Variants in HAS2 observed in about 807,000 individuals in gnomAD.
HAS2 encodes HA synthase 2.
Under a neutral mutation model 51.6 loss-of-function variants are expected in HAS2, and 16 were observed. The ratio of observed to expected loss-of-function variants is 0.31; its 90% CI spans 0.21 to 0.47. The LOEUF is 0.47. Among genes scored for constraint, HAS2 ranks in the 20% least tolerant of loss-of-function variants. The pLI is 1.00. For synonymous variants in HAS2, 228 were observed against 235.5 expected (o/e 0.97, Z 0.29); for missense variants, 361 against 662.6 (o/e 0.54, Z 5.00).
At chr8:121,637,938 G>A (rs1813035076) in intron 1 of HAS2, among the ~76,000 whole-genome samples, 1 of 152,036 alleles carries the variant, frequency 6.6e-6, no homozygotes, top group Admixed American at 6.5e-5. Context: ...TTTAACTCAG[G>A]GATCACACTT....
At chr8:121,638,367 C>T (rs1363181905) in intron 1 of HAS2, among the ~76,000 whole-genome samples, 1 of 151,960 alleles carries the variant, frequency 6.6e-6, no homozygotes, top group Non-Finnish European at 1.5e-5. Context: ...TAATGCTAGT[C>T]ACTGATTTGT....
At chr8:121,623,525 C>A (rs1812802462) in intron 2 of HAS2, among the ~76,000 whole-genome samples, 1 of 152,146 alleles carries the variant, frequency 6.6e-6, no homozygotes. Context: ...GAGTGAGACA[C>A]ACGATAGTAA....
chr8:121,614,638 G>T lies in HAS2; in HGVS notation c.1130C>A (p.Thr377Asn). 6.2e-7 allele frequency: 1 copy of T among 1,614,056 alleles called. No homozygotes were observed. The highest frequency in any genetic ancestry group is 1.1e-5 in the South Asian group (1 of 91,088). Reference sequence around the variant, plus strand: ...GAATCCAGTGATAATCGCTTCGTAGGTCATCCACAAGTGATGTTTGTGAAA... The same window carrying T: ...GAATCCAGTGATAATCGCTTCGTAGTTCATCCACAAGTGATGTTTGTGAAA... ...MWFHKHHLWM[T>N]YEAIITGFFP... Residue 377 changes from threonine to asparagine, a missense_variant, in exon 4 of 4, where the codon ACC becomes AAC. Transcript: ENST00000303924. This position sits in a 1 kb window ranked among gnomAD's most constrained non-coding sequence, Gnocchi z 7.2.
At position 121,628,896 on chromosome 8, in the gene HAS2, T is replaced by G. The variant is rs868279445; in HGVS notation, c.445A>C (p.Lys149Gln). 3.1e-6 allele frequency: 5 copies of G among 1,614,154 alleles called. No homozygotes were observed. The highest frequency in any genetic ancestry group is 4.2e-6 in the Non-Finnish European group (5 of 1,179,980). The change falls in exon 2 of 4, where the codon AAG (lysine) becomes CAG (glutamine). Residue 149 changes from lysine (K) to glutamine (Q), a missense_variant. Lys to Gln is a moderately conservative substitution (Grantham distance 53). Coordinates refer to ENST00000303924, the MANE Select transcript of HAS2 (RefSeq NM_005328.3). ...GRDKSATYIW[K>Q]NNFHEKGPGE... is the part of the protein sequence containing the mutation. ...GGACCCTTTTCGTGGAAGTTGTTCT[T>G]CCAGATATAAGTGGCTGATTTGTCT...
chr8:121,614,386 G>C lies in HAS2; in HGVS notation c.1382C>G (p.Ala461Gly). The C allele has an allele frequency of 6.2e-7, 1 of 1,614,050 alleles. No homozygotes were observed. Among genetic ancestry groups the C allele is most frequent in the Non-Finnish European group, 8.5e-7 (1 of 1,179,918 alleles). Residue 461 changes from alanine (A) to glycine (G), a missense_variant, in exon 4 of 4, where the codon GCT (alanine) becomes GGT (glycine). Ala to Gly is a moderately conservative substitution (Grantham distance 60). Coordinates refer to ENST00000303924, the MANE Select transcript of HAS2 (RefSeq NM_005328.3). This position sits in a 1 kb window ranked among gnomAD's most constrained non-coding sequence, Gnocchi z 7.2. ...TTTCCTTCCTGATGTGCCCCACCCA[G>C]CTTTGTTTATTGTTGCAATTGCAAA... The part of the protein sequence containing the change: ...KMFAIATINK[A>G]GWGTSGRKTI...
intron 1 of HAS2, among the ~76,000 whole-genome samples, chr8:121,629,875 G>T (rs1346610886): frequency 6.6e-6 from 1 of 152,150 alleles, no homozygotes; most frequent in Non-Finnish European, 1.5e-5. Context: ...TGAGATTGGA[G>T]ATCAGGATAC....
At chr8:121,633,107 G>T (rs904516937) in intron 1 of HAS2, among the ~76,000 whole-genome samples, 1 of 149,472 alleles carries the variant, frequency 6.7e-6, no homozygotes, top group Non-Finnish European at 1.5e-5. Context: ...GGAAAGATTA[G>T]AAACAAACTT....
intron 2 of HAS2, among the ~76,000 whole-genome samples, chr8:121,623,080 G>A (rs1355124744): frequency 6.6e-6 from 1 of 152,082 alleles, no homozygotes; most frequent in Non-Finnish European, 1.5e-5. Flanking sequence ...CCAACAGAAA[G>A]CCTTTACATT....
Position 121,614,173 on chromosome 8 carries a change from A to G in HAS2, c.1595T>C (p.Val532Ala). 6.2e-7 allele frequency: 1 copy of G among 1,614,156 alleles called. No homozygotes were observed. The highest frequency in any genetic ancestry group is 2.2e-5 in the East Asian group (1 of 44,874). The part of the protein sequence containing the change: ...YWVMLLTLYV[V>A]LINKCGRRKK... ...CCGCCTGCCACACTTATTGATGAGAACTACATACAGCGTCAAAAGCATGAC... is the reference window on the plus strand; with the variant it reads ...CCGCCTGCCACACTTATTGATGAGAGCTACATACAGCGTCAAAAGCATGAC... Residue 532 changes from valine (V) to alanine (A), a missense_variant, in exon 4 of 4, where the codon GTT becomes GCT. Physicochemically the swap from Val to Ala is moderately conservative, Grantham distance 64. Coordinates refer to ENST00000303924, the MANE Select transcript of HAS2 (RefSeq NM_005328.3). This position sits in a 1 kb window ranked among gnomAD's most constrained non-coding sequence, Gnocchi z 7.2.
Position 121,614,159 on chromosome 8 carries a change from A to T in HAS2, c.1609T>A (p.Cys537Ser), listed in dbSNP as rs1468922652. 8 of 1,614,172 alleles carry T rather than the reference A, an allele frequency of 5.0e-6. No homozygotes were observed. Among genetic ancestry groups the T allele is most frequent in the Non-Finnish European group, 6.8e-6 (8 of 1,180,020 alleles). Residue 537 changes from cysteine to serine, a missense_variant, in exon 4 of 4, where the codon TGT (cysteine) becomes AGT (serine). Cys to Ser is a moderately radical substitution (Grantham distance 112). This residue lies in a region of HAS2 where 61 missense variants were observed against 73.1 expected (regional missense o/e 0.84). Coordinates refer to ENST00000303924, the MANE Select transcript of HAS2 (RefSeq NM_005328.3). This position sits in a 1 kb window ranked among gnomAD's most constrained non-coding sequence, Gnocchi z 7.2. ...TGTTGTCCCTTCTTCCGCCTGCCAC[A>T]CTTATTGATGAGAACTACATACAGC... ...LTLYVVLINK[C>S]GRRKKGQQYD... is the part of the protein sequence containing the mutation.
Position 121,614,778 on chromosome 8 carries a change from G to T in HAS2, c.990C>A (p.Tyr330Ter), listed in dbSNP as rs147343719. 1 of 1,614,198 alleles carries T rather than the reference G, an allele frequency of 6.2e-7. No homozygotes were observed. The highest frequency in any genetic ancestry group is 1.1e-5 in the South Asian group (1 of 91,084). The change falls in exon 4 of 4, where the codon TAC becomes TAA. Residue 330 changes from tyrosine (Y) to a stop codon, truncating the protein, a stop_gained. Coordinates refer to ENST00000303924, the MANE Select transcript of HAS2 (RefSeq NM_005328.3). LOFTEE classifies it high-confidence loss of function. This position sits in a 1 kb window ranked among gnomAD's most constrained non-coding sequence, Gnocchi z 7.2. Reference protein sequence around the residue: ...RVLSLGYATKYTARSKCLTET... With the variant: ...RVLSLGYATK ...CAGTAAGGCACTTAGATCGAGCTGT[G>T]TATTTTGTTGCATAGCCCAGGCTCA...
At position 121,613,800 on chromosome 8, in the gene HAS2, C is replaced by T; in HGVS notation, c.*309G>A. ...CAAAATCCTTTTCTTCCATGATAACCCACATAAAGCATGGCTAGTGAGGTA... is the reference window on the plus strand; with the variant it reads ...CAAAATCCTTTTCTTCCATGATAACTCACATAAAGCATGGCTAGTGAGGTA... On this transcript the variant is annotated 3_prime_UTR_variant, in exon 4 of 4. Coordinates refer to ENST00000303924, the MANE Select transcript of HAS2 (RefSeq NM_005328.3). 3.1e-6 allele frequency: 1 copy of T among 322,136 alleles called. No individual in the cohort carries two copies. Among genetic ancestry groups the T allele is most frequent in the Non-Finnish European group, 5.8e-6 (1 of 171,326 alleles). 20.0% of individuals were successfully genotyped at this position (322,136 alleles called of 1,614,324 possible). A position where few individuals can be genotyped will look rare whatever the true frequency, so the allele number is the denominator to read the frequency against.
chr8:121,614,434 G>A lies in HAS2; in HGVS notation c.1334C>T (p.Ser445Leu). The A allele has an allele frequency of 6.2e-7, 1 of 1,614,042 alleles. No homozygotes were observed. Residue 445 changes from serine to leucine, a missense_variant, in exon 4 of 4, where the codon TCG becomes TTG. Transcript: ENST00000303924. This position sits in a 1 kb window ranked among gnomAD's most constrained non-coding sequence, Gnocchi z 7.2. ...FMSLYSVLYM[S>L]SLLPAKMFAI... The stretch of plus-strand genomic sequence containing the variant: ...AAACATCTTGGCGGGAAGTAAACTC[G>A]ACATGTATAACACTGAGTAGAGAGA...
intron 1 of HAS2, among the ~76,000 whole-genome samples, chr8:121,633,909 T>C (rs1448827135): frequency 7.9e-6 from 1 of 127,288 alleles, no homozygotes; most frequent in Non-Finnish European, 1.6e-5. Flanking sequence ...TTTGTTTTTT[T>C]GGGTTTTTTT....
In HAS2 at chr8:121,612,604, G is replaced by T. The variant is rs1812651643; in HGVS notation, c.*1505C>A. On this transcript the variant is annotated 3_prime_UTR_variant, in exon 4 of 4. Coordinates refer to ENST00000303924, the MANE Select transcript of HAS2 (RefSeq NM_005328.3). ...TACACAGCACCAGCTACAAGGCAAG[G>T]TCAATCGTGTAAAAAATAAAACTGG... 1 of 151,968 alleles carries T rather than the reference G, an allele frequency of 6.6e-6. No individual in the cohort carries two copies. The highest frequency in any genetic ancestry group is 1.5e-5 in the Non-Finnish European group (1 of 68,020). 9.4% of individuals were successfully genotyped at this position (151,968 alleles called of 1,614,324 possible). A position where few individuals can be genotyped will look rare whatever the true frequency, so the allele number is the denominator to read the frequency against.
intron 3 of HAS2, among the ~76,000 whole-genome samples, chr8:121,616,580 C>T (rs1025490707): frequency 1.3e-5 from 2 of 151,734 alleles, no homozygotes; most frequent in African/African-American, 2.4e-5. Flanking sequence ...GGACTACAGT[C>T]GCACACCACC....
chr8:121,614,771 G>A lies in HAS2; in HGVS notation c.997C>T (p.Arg333Ter). ...GGTGTTTCAGTAAGGCACTTAGATC[G>A]AGCTGTGTATTTTGTTGCATAGCCC... ...SLGYATKYTARSKCLTETPIE... is the reference protein window; with the variant it reads ...SLGYATKYTA Residue 333 changes from arginine (R) to a stop codon, truncating the protein, a stop_gained, in exon 4 of 4, where the codon CGA becomes TGA. Transcript: ENST00000303924. LOFTEE classifies it high-confidence loss of function. This position sits in a 1 kb window ranked among gnomAD's most constrained non-coding sequence, Gnocchi z 7.2. The A allele has an allele frequency of 1.2e-6, 2 of 1,614,170 alleles. No individual in the cohort carries two copies. The highest frequency in any genetic ancestry group is 1.7e-6 in the Non-Finnish European group (2 of 1,180,032).
At chr8:121,619,919 G>C (rs1182246457) in intron 2 of HAS2, among the ~76,000 whole-genome samples, 3 of 152,192 alleles carry the variant, frequency 2.0e-5, no homozygotes, top group Non-Finnish European at 2.9e-5. Context: ...CCGTCTGCTT[G>C]TGAGCACAAG....
At position 121,613,413 on chromosome 8, in the gene HAS2, G is replaced by A. The variant is rs775452881; in HGVS notation, c.*696C>T. 1.3e-5 allele frequency: 2 copies of A among 152,502 alleles called. No individual in the cohort carries two copies. Among genetic ancestry groups the A allele is most frequent in the African/African-American group, 2.4e-5 (1 of 41,418 alleles). The allele number at this position is 152,502 out of a possible 1,614,324, so 9.4% of individuals were successfully genotyped here. On this transcript the variant is annotated 3_prime_UTR_variant, in exon 4 of 4. Coordinates refer to ENST00000303924, the MANE Select transcript of HAS2 (RefSeq NM_005328.3). The stretch of plus-strand genomic sequence containing the variant: ...TTCAATTTTAAAAGGTAGAGAGAGA[G>A]AAACATTTTATTCTTTCTATCATGA...
Sources: gnomAD v4.1 joint callset for allele counts (sites outside exome capture counted in the v4.1 genomes callset) on GRCh38, gnomAD v4.1.1 for gene constraint, gnomAD v4.1.1 regional missense constraint, Gnocchi (gnomAD v3.1) non-coding constraint, MANE v1.5 for transcripts, NCBI Gene and HGNC (gene_info 2026-07-23, HGNC 2026-07-21) for gene names.